SLC48A1: variants seen among roughly 807,000 people sequenced by gnomAD.
SLC48A1 encodes the protein heme transporter HRG1.
In SLC48A1, 6 loss-of-function variants were observed where a neutral mutation model predicts 14.8. The observed-to-expected ratio is 0.41, with a 90% confidence interval of 0.22 to 0.80. SLC48A1 has a LOEUF of 0.80. SLC48A1 is among the 30% of genes least tolerant of loss of function. The pLI is 0.34. For missense variants in SLC48A1, 165 were observed against 204.8 expected, an observed-to-expected ratio of 0.81 and a Z score of 1.19; for synonymous variants, 89 against 90.0, an observed-to-expected ratio of 0.99 and a Z score of 0.06.
At chr12:47,770,908 G>A (rs1174476851), upstream of SLC48A1, 1 of 456,422 alleles carries the variant, frequency 2.2e-6, no homozygotes, top group Non-Finnish European at 4.4e-6. Context: ...TCACACGTGC[G>A]GTTCCCACTG....
intron 1 of SLC48A1, chr12:47,759,276 C>T (rs1942290285): frequency 2.6e-5 from 6 of 232,536 alleles, no homozygotes; most frequent in Non-Finnish European, 1.4e-5. Flanking sequence ...GGGCCGCTTC[C>T]CGGCTGGGGG....
rs1235192592 is a variant in SLC48A1, at chr12:47,777,667, C to G, written c.137-1361C>G. On this transcript the variant is annotated intron_variant, in intron 1 of 2. Coordinates refer to ENST00000442218, the MANE Select transcript of SLC48A1 (RefSeq NM_017842.3). This position sits in a 1 kb window ranked among gnomAD's most constrained non-coding sequence, Gnocchi z 4.5. ...CAAGCTTCCTCCTGCCTTTTTCCCC[C>G]TTAAACAAATTATGAAATATTTTAG... 1.3e-5 allele frequency among the ~76,000 whole-genome samples: 2 copies of G among 152,162 alleles called. No homozygotes were observed. Among genetic ancestry groups the G allele is most frequent in the African/African-American group, 2.4e-5 (1 of 41,448 alleles).
At position 47,761,886 on chromosome 12, in the gene SLC48A1, G is replaced by A. The variant is rs1942389004; in HGVS notation, c.-187+1485G>A. Reference sequence around the variant, plus strand: ...TTTGTTATTCCATTTTACAGATGAGGGACCTGAGACACAAAGAGGTTAAAT... The same window carrying A: ...TTTGTTATTCCATTTTACAGATGAGAGACCTGAGACACAAAGAGGTTAAAT... On this transcript the variant is annotated intron_variant, in intron 2 of 4. Transcript: ENST00000547002. Among the ~76,000 whole-genome samples, 3 of 152,086 alleles carry A rather than the reference G, an allele frequency of 2.0e-5. No individual in the cohort carries two copies. In the South Asian group the frequency reaches 6.2e-4, roughly 31 times the overall value.
chr12:47,757,208 G>C (rs186877270), upstream of SLC48A1, among the ~76,000 whole-genome samples: 103 of 152,270 alleles, frequency 6.8e-4, no homozygotes, highest in Middle Eastern at 3.4e-3. Flanking sequence ...CTTCTCTGCT[G>C]ATTTGGATAG....
intron 1 of SLC48A1, among the ~76,000 whole-genome samples, chr12:47,776,067 C>T (rs1202105194): frequency 1.3e-5 from 2 of 152,166 alleles, no homozygotes; most frequent in South Asian, 2.1e-4. Context: ...GAGCAAGAGC[C>T]CTGGGGCTCC....
At chr12:47,754,089 T>C (rs1201180117), upstream of SLC48A1, 1 of 152,262 alleles carries the variant, frequency 6.6e-6, no homozygotes, top group Non-Finnish European at 1.5e-5. Flanking sequence ...ATTTGTTTCC[T>C]ATTTCACAGC....
chr12:47,771,421 G>A (rs965514764), upstream of SLC48A1, among the ~76,000 whole-genome samples: 1 of 151,836 alleles, frequency 6.6e-6, no homozygotes, highest in African/African-American at 2.4e-5. Flanking sequence ...GGTGTGGTGG[G>A]TGGGATAATA....
At chr12:47,773,156 C>T (rs1339787651), upstream of SLC48A1, 1 of 978,032 alleles carries the variant, frequency 1.0e-6, no homozygotes, top group African/African-American at 1.8e-5. Flanking sequence ...GGGGAGGGCG[C>T]TGTGCGGGCG....
chr12:47,779,241 G>C, intron 2 of SLC48A1, 46 bp downstream of exon 2: 1 of 1,521,126 alleles, frequency 6.6e-7, no homozygotes, highest in Non-Finnish European at 8.8e-7. Context: ...GGACAGCAGC[G>C]GGGATTTTAG....
chr12:47,772,216 C>A (rs1380045919), upstream of SLC48A1: 4 of 154,722 alleles, frequency 2.6e-5, no homozygotes, highest in Admixed American at 2.0e-4. Context: ...TGTGGCAGAG[C>A]CCTTGTTATT....
upstream of SLC48A1, among the ~76,000 whole-genome samples, chr12:47,755,416 G>A (rs1941995219): frequency 6.6e-6 from 1 of 152,130 alleles, no homozygotes; most frequent in Admixed American, 6.5e-5. Flanking sequence ...GAATGAAAGT[G>A]CGTTCTCGGA....
intron 2 of SLC48A1, among the ~76,000 whole-genome samples, chr12:47,761,596 A>C (rs1160013019): frequency 6.6e-6 from 1 of 152,220 alleles, no homozygotes; most frequent in African/African-American, 2.4e-5. Flanking sequence ...ACTGCTCAGC[A>C]GATATTTGAT....
upstream of SLC48A1, chr12:47,771,028 A>C: frequency 2.3e-6 from 1 of 429,928 alleles, no homozygotes; most frequent in South Asian, 1.6e-5. Context: ...CTCCACCGGC[A>C]GCTCCTAAAG....
At chr12:47,767,620 G>A (rs1377482835), upstream of SLC48A1, among the ~76,000 whole-genome samples, 1 of 152,220 alleles carries the variant, frequency 6.6e-6, no homozygotes, top group Non-Finnish European at 1.5e-5. Context: ...AGGAGTAGGG[G>A]TGGAAAGTAA....
upstream of SLC48A1, among the ~76,000 whole-genome samples, chr12:47,757,608 A>G (rs1942155822): frequency 6.6e-6 from 1 of 152,136 alleles, no homozygotes; most frequent in Admixed American, 6.5e-5. Flanking sequence ...ACAGATAAAC[A>G]ACAAATCCCT....
In SLC48A1 at chr12:47,779,101, G is replaced by A; in HGVS notation, c.210G>A (p.Gly70=). 3 of 1,551,870 alleles carry A rather than the reference G, an allele frequency of 1.9e-6. No homozygotes were observed. Among genetic ancestry groups the A allele is most frequent in the Non-Finnish European group, 2.6e-6 (3 of 1,147,044 alleles). ...ATTATTGGAGGACCTGGCTCAAGGG[G>A]CTGCGCGGCTTCTTCTTCGTGGGCG... ...MQDYWRTWLK[G]LRGFFFVGVL... The change falls in exon 2 of 3, where the codon GGG becomes GGA. Residue 70 remains glycine (G), a synonymous_variant. Transcript: ENST00000442218.
intron 2 of SLC48A1, among the ~76,000 whole-genome samples, chr12:47,779,422 T>C (rs1942817938): frequency 6.6e-6 from 1 of 152,190 alleles, no homozygotes; most frequent in African/African-American, 2.4e-5. Context: ...GCATAGCCCA[T>C]ACAAGCACTC....
upstream of SLC48A1, among the ~76,000 whole-genome samples, chr12:47,757,566 A>G (rs552216908): frequency 6.6e-6 from 1 of 152,260 alleles, no homozygotes; most frequent in South Asian, 2.1e-4. Flanking sequence ...AGAACACACA[A>G]GTACCTAACT....
rs981857488 is a variant in SLC48A1 at position 47,773,426 on chromosome 12, T to C, written c.122T>C (p.Met41Thr). ...VVYRQPGTAA[M>T]GGLAGVLALW... ...TACCGACAGCCGGGGACCGCGGCCA[T>C]GGGAGGGCTCGCAGGTACCCCGGGA... Residue 41 changes from methionine (M) to threonine (T), a missense_variant, in exon 1 of 3, where the codon ATG (methionine) becomes ACG (threonine). By Grantham distance (81) the Met-to-Thr change is moderately conservative. Coordinates refer to ENST00000442218, the MANE Select transcript of SLC48A1 (RefSeq NM_017842.3). 2.1e-6 allele frequency: 3 copies of C among 1,426,468 alleles called. No homozygotes were observed. The highest frequency in any genetic ancestry group is 2.8e-5 in the Admixed American group (1 of 35,918). 88.4% of individuals were successfully genotyped at this position (1,426,468 alleles called of 1,614,324 possible). A position where few individuals can be genotyped will look rare whatever the true frequency, so the allele number is the denominator to read the frequency against.
Sources: gnomAD v4.1 joint callset for allele counts (sites outside exome capture counted in the v4.1 genomes callset) on GRCh38, gnomAD v4.1.1 for gene constraint, Gnocchi (gnomAD v3.1) non-coding constraint, MANE v1.5 for transcripts, NCBI Gene and HGNC (gene_info 2026-07-23, HGNC 2026-07-21) for gene names.